ZNF804B: variants seen among roughly 807,000 people sequenced by gnomAD.
ZNF804B encodes zinc finger 804B.
In ZNF804B, 80 loss-of-function variants were observed where a neutral mutation model predicts 101.4. The observed-to-expected ratio is 0.79, with a 90% CI of 0.66 to 0.95. The LOEUF (loss-of-function observed/expected upper bound fraction) is 0.95, where lower values mean the gene tolerates loss of function less well. ZNF804B is among the 40% of genes least tolerant of loss of function. ZNF804B has a pLI of 0.00. For synonymous variants in ZNF804B, 622 were observed against 558.8 expected (o/e 1.11, Z -1.59); for missense variants, 1,673 against 1,561.9 (o/e 1.07, Z -1.20).
At chr7:89,104,537 C>T (rs933775766) in intron 1 of ZNF804B, among the ~76,000 whole-genome samples, 1 of 151,968 alleles carries the variant, frequency 6.6e-6, no homozygotes, top group Non-Finnish European at 1.5e-5. Context: ...TAGAGATGTT[C>T]ATAGTAGTCT....
intron 1 of ZNF804B, among the ~76,000 whole-genome samples, chr7:88,857,888 A>G (rs1382292150): frequency 7.7e-6 from 1 of 130,248 alleles, no homozygotes; most frequent in Non-Finnish European, 1.5e-5. Flanking sequence ...GTGGCACACA[A>G]TCTCGGCTCA....
At chr7:88,916,494 A>G (rs887208649) in intron 1 of ZNF804B, among the ~76,000 whole-genome samples, 1 of 152,160 alleles carries the variant, frequency 6.6e-6, no homozygotes, top group African/African-American at 2.4e-5. Context: ...AGCAGATTCC[A>G]TTCATCTTAG....
chr7:88,936,768 T>C (rs994075842), intron 1 of ZNF804B, among the ~76,000 whole-genome samples: 1 of 152,046 alleles, frequency 6.6e-6, no homozygotes, highest in African/African-American at 2.4e-5. Context: ...AATAGAGTTC[T>C]ACCTTATGCT....
chr7:88,906,821 G>A (rs1236295670), intron 1 of ZNF804B, among the ~76,000 whole-genome samples: 1 of 152,010 alleles, frequency 6.6e-6, no homozygotes, highest in Non-Finnish European at 1.5e-5. Flanking sequence ...ATATAATGCT[G>A]TTAATGGTGT....
intron 1 of ZNF804B, among the ~76,000 whole-genome samples, chr7:88,920,407 G>A (rs1792703528): frequency 6.6e-6 from 1 of 151,990 alleles, no homozygotes; most frequent in Admixed American, 6.6e-5. Flanking sequence ...ACAAATACAT[G>A]TAAAGTAGAA....
chr7:89,178,329 G>A (rs562733720), intron 1 of ZNF804B, among the ~76,000 whole-genome samples: 3 of 151,112 alleles, frequency 2.0e-5, no homozygotes. Flanking sequence ...TGGTTTTGTG[G>A]TTTCTTTTCC....
chr7:88,849,570 G>T (rs1791421065), intron 1 of ZNF804B, among the ~76,000 whole-genome samples: 1 of 151,288 alleles, frequency 6.6e-6, no homozygotes, highest in African/African-American at 2.4e-5. Flanking sequence ...CATGATTTTG[G>T]CTCACTGCAA....
chr7:88,779,056 A>C (rs1450789613), intron 1 of ZNF804B, among the ~76,000 whole-genome samples: 2 of 152,166 alleles, frequency 1.3e-5, no homozygotes, highest in Non-Finnish European at 2.9e-5. Flanking sequence ...CATGTGTGTC[A>C]CTTTTCCCTG....
intron 1 of ZNF804B, among the ~76,000 whole-genome samples, chr7:88,972,276 T>A (rs1194553066): frequency 6.6e-6 from 1 of 151,616 alleles, no homozygotes; most frequent in South Asian, 2.1e-4. Context: ...TCTACTCTTT[T>A]AAACTGTTTC....
intron 1 of ZNF804B, among the ~76,000 whole-genome samples, chr7:89,216,262 C>T (rs1299226460): frequency 6.6e-6 from 1 of 152,174 alleles, no homozygotes; most frequent in Non-Finnish European, 1.5e-5. Context: ...GAGCCGAGAT[C>T]GCGCCATTGC....
intron 1 of ZNF804B, among the ~76,000 whole-genome samples, chr7:88,868,919 G>A (rs886586015): frequency 6.6e-6 from 1 of 152,194 alleles, no homozygotes; most frequent in African/African-American, 2.4e-5. Context: ...TATATCACAA[G>A]TGCAGCCTGT....
At chr7:89,141,558 T>C (rs1459026251) in intron 1 of ZNF804B, among the ~76,000 whole-genome samples, 2 of 152,162 alleles carry the variant, frequency 1.3e-5, no homozygotes, top group African/African-American at 4.8e-5. Flanking sequence ...TTACTTTCAA[T>C]TCTTTTGGGA....
At chr7:89,001,636 A>T (rs1471750286) in intron 1 of ZNF804B, among the ~76,000 whole-genome samples, 1 of 151,978 alleles carries the variant, frequency 6.6e-6, no homozygotes, top group Non-Finnish European at 1.5e-5. Context: ...TATGGTAGAA[A>T]ATATGAAGAT....
intron 1 of ZNF804B, among the ~76,000 whole-genome samples, chr7:89,074,659 G>A (rs1248504213): frequency 6.6e-6 from 1 of 152,120 alleles, no homozygotes; most frequent in Non-Finnish European, 1.5e-5. Flanking sequence ...CAGTAAATTG[G>A]TACCAGTAGA....
At chr7:89,075,806 A>C (rs530574728) in intron 1 of ZNF804B, among the ~76,000 whole-genome samples, 1 of 152,326 alleles carries the variant, frequency 6.6e-6, no homozygotes, top group South Asian at 2.1e-4. Context: ...GGGAGGCTGT[A>C]CCCTTAACAG....
At chr7:88,916,454 A>T (rs555505675) in intron 1 of ZNF804B, among the ~76,000 whole-genome samples, 14 of 152,276 alleles carry the variant, frequency 9.2e-5, no homozygotes, top group African/African-American at 3.4e-4. Flanking sequence ...CCATAATTGC[A>T]CACTCTATTG....
intron 1 of ZNF804B, among the ~76,000 whole-genome samples, chr7:89,207,878 G>A (rs966977481): frequency 7.9e-5 from 12 of 151,994 alleles, no homozygotes; most frequent in African/African-American, 2.9e-4. Flanking sequence ...TGCTTCAAGC[G>A]TTTTCCCGAC....
intron 1 of ZNF804B, among the ~76,000 whole-genome samples, chr7:88,880,094 T>C (rs1195577399): frequency 6.6e-6 from 1 of 151,198 alleles, no homozygotes; most frequent in African/African-American, 2.4e-5. Context: ...AATTAACGAA[T>C]AAAAGTTGTT....
At chr7:89,294,923 A>G (rs1790357103) in intron 2 of ZNF804B, among the ~76,000 whole-genome samples, 1 of 152,104 alleles carries the variant, frequency 6.6e-6, no homozygotes, top group South Asian at 2.1e-4. Flanking sequence ...TCATATATCT[A>G]AGGACATTAA....
Sources: allele counts gnomAD v4.1 joint callset (sites outside exome capture counted in the v4.1 genomes callset), GRCh38; gene constraint gnomAD v4.1.1; transcripts MANE v1.5; gene names NCBI Gene and HGNC (gene_info 2026-07-23, HGNC 2026-07-21).